The following HMCN1 variants were observed in gnomAD, a reference collection of about 807,000 sequenced individuals.
HMCN1 encodes hemicentin-1.
HMCN1 carries 321 observed loss-of-function variants against 625.9 expected under a neutral mutation model. The observed-to-expected ratio is 0.51, with a 90% CI of 0.47 to 0.56. The LOEUF is 0.56. Among genes scored for constraint, HMCN1 ranks in the 20% least tolerant of loss-of-function variants. The pLI is 0.00. For missense variants in HMCN1, 6,588 were observed against 6,887.3 expected, an observed-to-expected ratio of 0.96 and a Z score of 1.54; for synonymous variants, 2,425 against 2,417.6, an observed-to-expected ratio of 1.00 and a Z score of -0.09.
chr1:186,100,905 C>T (rs746437965), intron 68 of HMCN1, among the ~76,000 whole-genome samples: 10 of 152,082 alleles, frequency 6.6e-5, no homozygotes, highest in Non-Finnish European at 1.5e-4. Context: ...CTAGATGCAA[C>T]AATAGAGCAG....
intron 16 of HMCN1, among the ~76,000 whole-genome samples, chr1:185,980,364 T>C (rs1407410047): frequency 3.9e-5 from 6 of 152,194 alleles, no homozygotes; most frequent in Non-Finnish European, 7.3e-5. Flanking sequence ...TAAAGTTCTG[T>C]CTTTCTTCTG....
At chr1:186,058,561 A>G (rs1381995047) in intron 46 of HMCN1, among the ~76,000 whole-genome samples, 1 of 151,958 alleles carries the variant, frequency 6.6e-6, no homozygotes, top group Non-Finnish European at 1.5e-5. Context: ...ATCCAAAGTA[A>G]ATTTAAATAT....
In HMCN1 at chr1:185,902,763, G is replaced by A. The variant is rs548274064; in HGVS notation, c.622-6574G>A. On this transcript the variant is annotated intron_variant, in intron 4 of 106. Coordinates refer to ENST00000271588, the MANE Select transcript of HMCN1 (RefSeq NM_031935.3). ...TTTTCCTGCTTTCCAGGTAGCCAGC[G>A]ATAAGACCATAACTGGCATATATGT... Among the ~76,000 whole-genome samples, 45 of 151,646 alleles carry A rather than the reference G, an allele frequency of 3.0e-4. No individual in the cohort carries two copies. The East Asian group carries it at 4.3e-3, about 14-fold the overall frequency.
chr1:185,816,061 T>TAGAG (rs1326406799), intron 1 of HMCN1, among the ~76,000 whole-genome samples: 1 of 143,654 alleles, frequency 7.0e-6, no homozygotes, highest in Non-Finnish European at 1.5e-5. Context: ...TTGGGACCAG[T>TAGAG]AGAGCAAGGA....
Position 186,119,742 on chromosome 1 carries a change from T to G in HMCN1, c.11957-3T>G. ...TTCTTTTTGTTGATTGGTTTTTTTA[T>G]AGAGCCTCCAGTCATTCAGCCCCAA... On this transcript the variant is annotated splice_region_variant and splice_polypyrimidine_tract_variant and intron_variant, in intron 78 of 106. Transcript: ENST00000271588. 1 of 1,613,898 alleles carries G rather than the reference T, an allele frequency of 6.2e-7. No homozygotes were observed. Among genetic ancestry groups the G allele is most frequent in the Non-Finnish European group, 8.5e-7 (1 of 1,179,838 alleles).
intron 80 of HMCN1, among the ~76,000 whole-genome samples, chr1:186,120,926 A>T (rs971570471): frequency 2.0e-5 from 3 of 152,198 alleles, no homozygotes; most frequent in Non-Finnish European, 4.4e-5. Context: ...GATGTATGCT[A>T]TATAGAGGAA....
intron 87 of HMCN1, 97 bp from the exon 88 acceptor site, chr1:186,137,401 A>G (rs1649671204): frequency 1.5e-6 from 2 of 1,320,518 alleles, no homozygotes; most frequent in East Asian, 2.5e-5. Flanking sequence ...CAGCAACTAT[A>G]TATTTAGCTC....
intron 1 of HMCN1, among the ~76,000 whole-genome samples, chr1:185,798,031 G>T (rs1658525181): frequency 6.8e-6 from 1 of 146,188 alleles, no homozygotes; most frequent in South Asian, 2.2e-4. Context: ...TTTTTATAAT[G>T]GTGGGTATTG....
At chr1:185,981,326 G>A (rs894701562) in intron 17 of HMCN1, among the ~76,000 whole-genome samples, 3 of 147,740 alleles carry the variant, frequency 2.0e-5, no homozygotes, top group East Asian at 2.0e-4. Flanking sequence ...ATACACACAT[G>A]CACACACACA....
At chr1:185,943,868 C>A (rs1030224676) in intron 11 of HMCN1, among the ~76,000 whole-genome samples, 1 of 152,164 alleles carries the variant, frequency 6.6e-6, no homozygotes, top group African/African-American at 2.4e-5. Context: ...CGCCATCCCC[C>A]AGTCATTTAT....
chr1:186,095,614 T>A (rs1660099798), intron 68 of HMCN1, 93 bp downstream of exon 68: 1 of 1,381,098 alleles, frequency 7.2e-7, no homozygotes, highest in Non-Finnish European at 9.8e-7. Context: ...TCAGTTGCTG[T>A]GAGAGAATTT....
chr1:185,970,214 A>G (rs1650713219), intron 14 of HMCN1, 121 bp from the exon 15 acceptor site: 4 of 901,432 alleles, frequency 4.4e-6, no homozygotes, highest in East Asian at 2.4e-5. Flanking sequence ...TGTTGTGCCA[A>G]ACACTTGTGT....
intron 11 of HMCN1, among the ~76,000 whole-genome samples, chr1:185,958,174 T>C (rs1437983736): frequency 6.6e-6 from 1 of 152,118 alleles, no homozygotes; most frequent in Non-Finnish European, 1.5e-5. Flanking sequence ...TTTGACTCAC[T>C]GCAACCTTTG....
intron 1 of HMCN1, among the ~76,000 whole-genome samples, chr1:185,775,570 G>A (rs1422094434): frequency 1.3e-5 from 2 of 152,194 alleles, no homozygotes; most frequent in African/African-American, 4.8e-5. Context: ...CCTATGGTTT[G>A]GGAGGAACAT....
chr1:186,041,695 G>A (rs1012600032), intron 40 of HMCN1, among the ~76,000 whole-genome samples: 6 of 152,104 alleles, frequency 3.9e-5, no homozygotes, highest in Non-Finnish European at 5.9e-5. Context: ...AAGAAAGTTG[G>A]GGCCTCTTGA....
At chr1:186,039,661 G>A in intron 38 of HMCN1, 67 bp from the exon 39 acceptor site, 1 of 1,513,504 alleles carries the variant, frequency 6.6e-7, no homozygotes, top group South Asian at 1.1e-5. Flanking sequence ...ATTAGATGTA[G>A]TTTTCATCAT....
chr1:186,023,721 T>A (rs960719272), intron 36 of HMCN1, among the ~76,000 whole-genome samples: 2 of 152,208 alleles, frequency 1.3e-5, no homozygotes, highest in Admixed American at 6.5e-5. Context: ...ACTTTCCTAA[T>A]TTAGCCAGAA....
chr1:186,064,746 C>T (rs1571806394), intron 48 of HMCN1, among the ~76,000 whole-genome samples: 2 of 140,292 alleles, frequency 1.4e-5, no homozygotes, highest in Admixed American at 1.5e-4. Flanking sequence ...GGAGGTAGAG[C>T]TTGCAGTGAG....
At chr1:185,892,596 G>A (rs1237271093) in intron 4 of HMCN1, among the ~76,000 whole-genome samples, 1 of 152,164 alleles carries the variant, frequency 6.6e-6, no homozygotes, top group Non-Finnish European at 1.5e-5. Context: ...TGCCCCTGCT[G>A]GAGGGTGCCT....
Sources: gnomAD v4.1 joint callset for allele counts (sites outside exome capture counted in the v4.1 genomes callset) on GRCh38, gnomAD v4.1.1 for gene constraint, MANE v1.5 for transcripts, NCBI Gene and HGNC (gene_info 2026-07-23, HGNC 2026-07-21) for gene names.